The following PTK2B variants were observed in gnomAD, a reference collection of about 807,000 sequenced individuals.
PTK2B encodes the protein protein-tyrosine kinase 2-beta.
Under a neutral mutation model 142.9 loss-of-function variants are expected in PTK2B, and 71 were observed. The ratio of observed to expected loss-of-function variants is 0.50; its 90% CI spans 0.41 to 0.61. The LOEUF is 0.61. PTK2B is among the 20% of genes least tolerant of loss of function. The probability of loss-of-function intolerance (pLI) is 0.00; values close to 1 mark genes in which losing one functional copy is unlikely to be tolerated. For synonymous variants in PTK2B, 519 were observed against 503.4 expected, an observed-to-expected ratio of 1.03 and a Z score of -0.42; for missense variants, 1,105 against 1,320.4, an observed-to-expected ratio of 0.84 and a Z score of 2.53.
intron 1 of PTK2B, chr8:27,326,826 A>G (rs1344906739): frequency 6.6e-6 from 1 of 152,536 alleles, no homozygotes; most frequent in Non-Finnish European, 1.5e-5. Flanking sequence ...GCAGTCATCC[A>G]TTCAGGAGGC....
chr8:27,321,293 G>A (rs1292597428), upstream of PTK2B, among the ~76,000 whole-genome samples: 1 of 151,980 alleles, frequency 6.6e-6, no homozygotes, highest in East Asian at 1.9e-4. Flanking sequence ...ACCATGCCTG[G>A]CCTCAAAAAA....
Position 27,430,357 on chromosome 8 carries a change from C to G in PTK2B, c.615-7C>G. The G allele has an allele frequency of 6.2e-7, 1 of 1,614,124 alleles. No individual in the cohort carries two copies. Among genetic ancestry groups the G allele is most frequent in the Non-Finnish European group, 8.5e-7 (1 of 1,180,026 alleles). ...GTCACATGCTGCCTTTTTCTTCCTT[C>G]TTGCAGAAAGGAAGTGGGGCTGGAC... On this transcript the variant is annotated splice_region_variant and splice_polypyrimidine_tract_variant and intron_variant, in intron 6 of 30. Transcript: ENST00000346049.
intron 1 of PTK2B, chr8:27,396,038 A>C (rs1217246244): frequency 6.6e-6 from 1 of 152,142 alleles, no homozygotes; most frequent in African/African-American, 2.4e-5. Flanking sequence ...AGCAGATTGC[A>C]TATTCTTCTC....
At chr8:27,357,491 G>T (rs902497957) in intron 1 of PTK2B, among the ~76,000 whole-genome samples, 6 of 152,234 alleles carry the variant, frequency 3.9e-5, no homozygotes, top group Non-Finnish European at 8.8e-5. Context: ...AATCTCCAGT[G>T]CAGGGGGCCA....
intron 3 of PTK2B, among the ~76,000 whole-genome samples, chr8:27,319,064 A>G (rs1803151173): frequency 6.6e-6 from 1 of 152,152 alleles, no homozygotes; most frequent in Admixed American, 6.5e-5. Context: ...TATTTTTCCC[A>G]AAGAGATTCA....
chr8:27,420,807 C>T (rs1315071174), intron 4 of PTK2B, 63 bp downstream of exon 4: 23 of 1,420,532 alleles, frequency 1.6e-5, no homozygotes, highest in Admixed American at 3.4e-5. Flanking sequence ...CAAGCATGAA[C>T]CGTTCTCTCC....
intron 1 of PTK2B, among the ~76,000 whole-genome samples, chr8:27,373,712 G>C (rs1055446490): frequency 1.3e-5 from 2 of 151,962 alleles, no homozygotes; most frequent in African/African-American, 4.8e-5. Context: ...AAAAATTGGA[G>C]ATTTCACATT....
intron 1 of PTK2B, among the ~76,000 whole-genome samples, chr8:27,343,236 C>T (rs972621824): frequency 3.9e-5 from 6 of 152,126 alleles, no homozygotes; most frequent in Non-Finnish European, 8.8e-5. Context: ...ATTTTTTGCT[C>T]GTTCTTGTAC....
At chr8:27,335,548 T>C (rs1172711147) in intron 1 of PTK2B, among the ~76,000 whole-genome samples, 1 of 146,868 alleles carries the variant, frequency 6.8e-6, no homozygotes, top group Non-Finnish European at 1.5e-5. Flanking sequence ...GCCAAGATCA[T>C]GCCATTACAC....
chr8:27,391,388 C>T (rs1027599618), intron 1 of PTK2B, among the ~76,000 whole-genome samples: 1 of 152,208 alleles, frequency 6.6e-6, no homozygotes, highest in Admixed American at 6.5e-5. Flanking sequence ...TGAGCCACTG[C>T]ACCCAGCCAG....
intron 20 of PTK2B, 48 bp from the exon 21 acceptor site, chr8:27,440,185 TGGGA>T: frequency 1.3e-6 from 2 of 1,562,466 alleles, no homozygotes; most frequent in Non-Finnish European, 1.8e-6. Context: ...TGCTTCTGGG[TGGGA>T]GGGACTGGTC....
At chr8:27,335,014 G>C (rs1360972358) in intron 1 of PTK2B, among the ~76,000 whole-genome samples, 1 of 152,202 alleles carries the variant, frequency 6.6e-6, no homozygotes, top group African/African-American at 2.4e-5. Context: ...GGCTGAATGA[G>C]AGGAGAAAGA....
intron 1 of PTK2B, among the ~76,000 whole-genome samples, chr8:27,335,598 A>G (rs1286161333): frequency 6.7e-6 from 1 of 149,332 alleles, no homozygotes; most frequent in Non-Finnish European, 1.5e-5. Context: ...ACTGTCTCAA[A>G]AAAAAAAAAA....
chr8:27,432,204 G>A, intron 9 of PTK2B, 56 bp from the exon 10 acceptor site: 3 of 1,541,458 alleles, frequency 1.9e-6, no homozygotes, highest in Non-Finnish European at 2.7e-6. Flanking sequence ...TGACCAATCT[G>A]CATGGCCTAG....
rs144686788 is a variant in PTK2B at position 27,371,397 on chromosome 8, A to G, written c.-37-26151A>G. 2.6e-3 allele frequency among the ~76,000 whole-genome samples: 400 copies of G among 152,270 alleles called. 2 individuals carry two copies. Among genetic ancestry groups the G allele is most frequent in the Middle Eastern group, 6.8e-3 (2 of 294 alleles). On this transcript the variant is annotated intron_variant, in intron 1 of 30. Transcript: ENST00000346049. ...ACTGGGAATGGGCATAGCGTGAAGA[A>G]TGTGAGTTTTGAACTCAAGGGACTT...
At position 27,313,109 on chromosome 8, in the gene PTK2B, C is replaced by G. The variant is rs552222269; in HGVS notation, c.-496-96C>G. On this transcript the variant is annotated intron_variant, in intron 2 of 35. Transcript: ENST00000397501. ...TTGAATCACAGGGGTGGTTTTCCCC[C>G]CATGCTGTTCTCCTGATAGTGAGTG... The G allele has an allele frequency of 5.9e-5, 9 of 152,268 alleles. No individual in the cohort carries two copies. The East Asian group carries it at 1.7e-3, about 29-fold the overall frequency. 9.4% of individuals were successfully genotyped at this position (152,268 alleles called of 1,614,324 possible).
rs755205513 is a variant in PTK2B at position 27,435,751 on chromosome 8, A to T, written c.1201A>T (p.Ile401Phe). The T allele has an allele frequency of 3.5e-5, 57 of 1,614,062 alleles. No homozygotes were observed. Among genetic ancestry groups the T allele is most frequent in the Non-Finnish European group, 4.8e-5 (57 of 1,180,054 alleles). Residue 401 changes from isoleucine (I) to phenylalanine (F), a missense_variant, in exon 14 of 31, where the codon ATC becomes TTC. Physicochemically the swap from Ile to Phe is conservative, Grantham distance 21. Transcript: ENST00000346049. The stretch of plus-strand genomic sequence containing the variant: ...TCTTCCTGTTGTTCCAGAGTCAGAC[A>T]TCTACGCAGAGATTCCCGACGAAAC... The part of the protein sequence containing the change: ...LSESCSIESD[I>F]YAEIPDETLR...
intron 1 of PTK2B, among the ~76,000 whole-genome samples, chr8:27,370,779 C>T (rs1806305943): frequency 6.6e-6 from 1 of 152,218 alleles, no homozygotes; most frequent in Admixed American, 6.5e-5. Flanking sequence ...CTTTTTCCCC[C>T]TGTTACCTGA....
chr8:27,440,989 G>A (rs1811125855), intron 21 of PTK2B, among the ~76,000 whole-genome samples: 1 of 152,058 alleles, frequency 6.6e-6, no homozygotes. Flanking sequence ...AGAGGTTCAG[G>A]GTCCCCCAGT....
Sources: allele counts gnomAD v4.1 joint callset (sites outside exome capture counted in the v4.1 genomes callset), GRCh38; gene constraint gnomAD v4.1.1; transcripts MANE v1.5; gene names NCBI Gene and HGNC (gene_info 2026-07-23, HGNC 2026-07-21).